Variants in LPCAT2 observed in about 807,000 individuals in gnomAD.
LPCAT2 encodes lysophosphatidylcholine acyltransferase 2.
Under a neutral mutation model 64.7 loss-of-function variants are expected in LPCAT2, and 58 were observed. The ratio of observed to expected loss-of-function variants is 0.90; its 90% CI spans 0.73 to 1.12. The LOEUF (loss-of-function observed/expected upper bound fraction) is 1.12, where lower values mean the gene tolerates loss of function less well. Ranked by LOEUF, LPCAT2 falls within the 50% of genes most tolerant of loss-of-function variation. The probability of loss-of-function intolerance (pLI) is 0.00; values close to 1 mark genes in which losing one functional copy is unlikely to be tolerated. For synonymous variants in LPCAT2, 252 were observed against 245.3 expected, an observed-to-expected ratio of 1.03 and a Z score of -0.26; for missense variants, 579 against 669.8, an observed-to-expected ratio of 0.86 and a Z score of 1.50.
At chr16:55,562,194 C>T (rs1398976722) in intron 11 of LPCAT2, among the ~76,000 whole-genome samples, 3 of 151,908 alleles carry the variant, frequency 2.0e-5, no homozygotes, top group African/African-American at 7.2e-5. Context: ...AATAGAGTCT[C>T]ATCTCATTGT....
chr16:55,548,768 G>A (rs1045587041), intron 9 of LPCAT2, among the ~76,000 whole-genome samples: 2 of 152,092 alleles, frequency 1.3e-5, no homozygotes, highest in Admixed American at 1.3e-4. Flanking sequence ...CCTGTGTTGG[G>A]TTCCCAAAGT....
Position 55,574,551 on chromosome 16 carries a change from A to G in LPCAT2, c.1216-80A>G, listed in dbSNP as rs1398599559. On this transcript the variant is annotated intron_variant, in intron 11 of 13. Coordinates refer to ENST00000262134, the MANE Select transcript of LPCAT2 (RefSeq NM_017839.5). ...ATGATGAGGTTGAGCTATAAGACAT[A>G]CCTGAATTTTACCTTGTAGTAGGAT... is the stretch of plus-strand genomic sequence containing the variant. 6 of 951,280 alleles carry G rather than the reference A, an allele frequency of 6.3e-6. No individual in the cohort carries two copies. In the South Asian group the frequency reaches 7.8e-5, roughly 12 times the overall value. The allele number at this position is 951,280 out of a possible 1,614,324, so 58.9% of individuals were successfully genotyped here.
chr16:55,574,818 T>C (rs1963810136), intron 12 of LPCAT2, 89 bp downstream of exon 12: 3 of 918,756 alleles, frequency 3.3e-6, no homozygotes, highest in Non-Finnish European at 5.4e-6. Flanking sequence ...GTGAATCTAT[T>C]ATGTGATTTT....
intron 9 of LPCAT2, among the ~76,000 whole-genome samples, chr16:55,548,089 T>TTG (rs1367003004): frequency 3.3e-5 from 5 of 152,194 alleles, no homozygotes; most frequent in Non-Finnish European, 7.4e-5. Context: ...TTTATTCTGA[T>TTG]TGTATTCATT....
At position 55,583,204 on chromosome 16, in the gene LPCAT2, G is replaced by T. The variant is rs1192092198; in HGVS notation, c.*106G>T. 12 of 869,408 alleles carry T rather than the reference G, an allele frequency of 1.4e-5. No homozygotes were observed. The highest frequency in any genetic ancestry group is 9.5e-5 in the Admixed American group (3 of 31,538). 53.9% of individuals were successfully genotyped at this position (869,408 alleles called of 1,614,324 possible). A position where few individuals can be genotyped will look rare whatever the true frequency, so the allele number is the denominator to read the frequency against. On this transcript the variant is annotated 3_prime_UTR_variant, in exon 14 of 14. Coordinates refer to ENST00000262134, the MANE Select transcript of LPCAT2 (RefSeq NM_017839.5). ...TTGGTAATGATGTTTAAAATTGAAA[G>T]ATTTTTAAAACAAAAATGATAGATT...
At chr16:55,530,759 G>T (rs1963242261) in intron 4 of LPCAT2, among the ~76,000 whole-genome samples, 1 of 152,000 alleles carries the variant, frequency 6.6e-6, no homozygotes, top group South Asian at 2.1e-4. Context: ...TTTCTCTGTG[G>T]ATCCAAAGAC....
intron 4 of LPCAT2, among the ~76,000 whole-genome samples, chr16:55,531,476 T>C (rs921925755): frequency 1.3e-5 from 2 of 152,280 alleles, no homozygotes; most frequent in East Asian, 3.9e-4. Context: ...TCTTTTTTCC[T>C]TTGTCCTCAA....
chr16:55,548,531 T>C (rs1963479426), intron 9 of LPCAT2, among the ~76,000 whole-genome samples: 1 of 152,200 alleles, frequency 6.6e-6, no homozygotes, highest in Non-Finnish European at 1.5e-5. Flanking sequence ...TTTTATTTTA[T>C]TTATTTTTTG....
chr16:55,537,665 A>C (rs1404679184), intron 8 of LPCAT2, 33 bp downstream of exon 8: 1 of 1,593,422 alleles, frequency 6.3e-7, no homozygotes, highest in Non-Finnish European at 8.6e-7. Context: ...TTGGAACTTG[A>C]GATTTGGCCT....
At chr16:55,530,091 C>A in intron 4 of LPCAT2, 144 bp downstream of exon 4, 1 of 517,226 alleles carries the variant, frequency 1.9e-6, no homozygotes, top group South Asian at 3.1e-5. Flanking sequence ...AGAGTAAATA[C>A]AGTAGCCAGT....
intron 11 of LPCAT2, among the ~76,000 whole-genome samples, chr16:55,573,686 T>C (rs1302107860): frequency 1.3e-5 from 2 of 152,142 alleles, no homozygotes; most frequent in Non-Finnish European, 2.9e-5. Context: ...TTACAGTTTC[T>C]CTTTCTTTCT....
Position 55,537,651 on chromosome 16 carries a change from G to C in LPCAT2, c.852+19G>C. ...AGTTGAGGTAAGTCATTCAAAATGT[G>C]GCCTTGGAACTTGAGATTTGGCCTT... On this transcript the variant is annotated intron_variant, in intron 8 of 13. Transcript: ENST00000262134. The C allele has an allele frequency of 1.9e-6, 3 of 1,610,792 alleles. No individual in the cohort carries two copies. Among genetic ancestry groups the C allele is most frequent in the Middle Eastern group, 1.7e-4 (1 of 6,036 alleles).
At chr16:55,534,358 A>G in intron 6 of LPCAT2, 85 bp from the exon 7 acceptor site, 1 of 807,236 alleles carries the variant, frequency 1.2e-6, no homozygotes, top group South Asian at 1.5e-5. Context: ...GAAAAAATAC[A>G]TGAATCCCCA....
Position 55,573,394 on chromosome 16 carries a change from G to T in LPCAT2, c.1216-1237G>T, listed in dbSNP as rs202033437. Reference sequence around the variant, plus strand: ...GAGAAAAAGTTGTGTTTGTTTTTTTGTTTTTTTTTTTCTTAGCCCCTGTCT... The same window carrying T: ...GAGAAAAAGTTGTGTTTGTTTTTTTTTTTTTTTTTTTCTTAGCCCCTGTCT... On this transcript the variant is annotated intron_variant, in intron 11 of 13. Coordinates refer to ENST00000262134, the MANE Select transcript of LPCAT2 (RefSeq NM_017839.5). Among the ~76,000 whole-genome samples, 399 of 147,624 alleles carry T rather than the reference G, an allele frequency of 2.7e-3. 2 individuals carry two copies. The highest frequency in any genetic ancestry group is 4.7e-3 in the Non-Finnish European group (311 of 66,862).
chr16:55,567,160 C>A (rs754652916), intron 11 of LPCAT2: 1 of 1,613,814 alleles, frequency 6.2e-7, no homozygotes, highest in Non-Finnish European at 8.5e-7. Context: ...GACAGTGACA[C>A]GACTGGTAAG....
intron 13 of LPCAT2, among the ~76,000 whole-genome samples, chr16:55,580,353 A>T (rs1376364745): frequency 1.3e-5 from 2 of 152,174 alleles, no homozygotes; most frequent in African/African-American, 4.8e-5. Flanking sequence ...CTATTTTCAT[A>T]AGGAAGACTA....
Position 55,583,139 on chromosome 16 carries a change from T to G in LPCAT2, c.*41T>G. On this transcript the variant is annotated 3_prime_UTR_variant, in exon 14 of 14. Coordinates refer to ENST00000262134, the MANE Select transcript of LPCAT2 (RefSeq NM_017839.5). ...TAAGGAAAACACAGTAGCTTTTGCT[T>G]GAAATTGTAAAGGCACTTATTGATA... 1 of 1,494,210 alleles carries G rather than the reference T, an allele frequency of 6.7e-7. No individual in the cohort carries two copies. The highest frequency in any genetic ancestry group is 9.1e-7 in the Non-Finnish European group (1 of 1,098,124). The allele number at this position is 1,494,210 out of a possible 1,614,324, so 92.6% of individuals were successfully genotyped here. A position where few individuals can be genotyped will look rare whatever the true frequency, so the allele number is the denominator to read the frequency against.
At chr16:55,561,232 G>A (rs765934148) in intron 11 of LPCAT2, among the ~76,000 whole-genome samples, 11 of 151,872 alleles carry the variant, frequency 7.2e-5, no homozygotes, top group African/African-American at 1.2e-4. Context: ...AAACATTTAG[G>A]TTGTTTCCAT....
In LPCAT2 at chr16:55,563,806, A is replaced by T. The variant is rs187336093; in HGVS notation, c.1216-10825A>T. On this transcript the variant is annotated intron_variant, in intron 11 of 13. Coordinates refer to ENST00000262134, the MANE Select transcript of LPCAT2 (RefSeq NM_017839.5). ...GATCAGGAATAAGACTAGGATGCCC[A>T]CTCTCATGCTTCTACTAACATGGTA... 5.9e-4 allele frequency among the ~76,000 whole-genome samples: 89 copies of T among 151,950 alleles called. 1 individual carries two copies. The highest frequency in any genetic ancestry group is 2.1e-3 in the African/African-American group (86 of 41,518).
Sources: gnomAD v4.1 joint callset for allele counts (sites outside exome capture counted in the v4.1 genomes callset) on GRCh38, gnomAD v4.1.1 for gene constraint, MANE v1.5 for transcripts, NCBI Gene and HGNC (gene_info 2026-07-23, HGNC 2026-07-21) for gene names.